Variants in PRH1 observed in about 807,000 individuals in gnomAD.
PRH1 encodes proline rich protein HaeIII subfamily 1.
Under a neutral mutation model 7.9 loss-of-function variants are expected in PRH1, and 7 were observed. The observed-to-expected ratio is 0.89, with a 90% CI of 0.50 to 1.67. PRH1 has a LOEUF of 1.67. Ranked by LOEUF, PRH1 falls within the 40% of genes most tolerant of loss-of-function variation. PRH1 has a pLI of 0.00. For missense variants in PRH1, 109 were observed against 223.6 expected, an observed-to-expected ratio of 0.49 and a Z score of 3.27; for synonymous variants, 45 against 80.8, an observed-to-expected ratio of 0.56 and a Z score of 2.38.
At chr12:11,148,254 C>G (rs982306735) in intron 1 of PRH1, among the ~76,000 whole-genome samples, 2 of 150,950 alleles carry the variant, frequency 1.3e-5, no homozygotes, top group African/African-American at 4.9e-5. Flanking sequence ...TTGACTTCCT[C>G]TTTTCCTAAT....
chr12:11,071,608 A>C (rs1426250414), intron 1 of PRH1, among the ~76,000 whole-genome samples: 1 of 152,190 alleles, frequency 6.6e-6, no homozygotes. Context: ...GACAGAGTTG[A>C]TTACCCTCTA....
At chr12:11,019,156 G>C (rs1941456068) in intron 1 of PRH1, among the ~76,000 whole-genome samples, 1 of 152,284 alleles carries the variant, frequency 6.6e-6, no homozygotes, top group Admixed American at 6.5e-5. Context: ...ATAGAAGACA[G>C]AAGACAGCTA....
At chr12:11,021,631 C>T (rs1941633548) in intron 1 of PRH1, 1 of 1,544,446 alleles carries the variant, frequency 6.5e-7, no homozygotes. Flanking sequence ...CACGATGCTC[C>T]CCTTGTGAAT....
intron 2 of PRH1, among the ~76,000 whole-genome samples, chr12:10,969,846 C>T (rs1006612995): frequency 1.3e-5 from 2 of 152,124 alleles, no homozygotes; most frequent in African/African-American, 4.8e-5. Flanking sequence ...GTTGCTCAGG[C>T]TAGAGTGCCA....
chr12:10,930,168 T>C lies in PRH1; in HGVS notation c.-59+43487A>G, dbSNP rs1950182760. 8 of 1,346,930 alleles carry C rather than the reference T, an allele frequency of 5.9e-6. No homozygotes were observed. In the South Asian group the frequency reaches 8.3e-5, roughly 14 times the overall value. The allele number at this position is 1,346,930 out of a possible 1,614,324, so 83.4% of individuals were successfully genotyped here. ...GTGGCTGATGAGATCTCAAAGGGGA[T>C]GCACAGGGTGTGATCAGAGGTCCTT... On this transcript the variant is annotated intron_variant, in intron 2 of 3. Transcript: ENST00000539853.
intron 1 of PRH1, among the ~76,000 whole-genome samples, chr12:10,978,347 A>T (rs1939202156): frequency 6.6e-6 from 1 of 152,254 alleles, no homozygotes; most frequent in Admixed American, 6.5e-5. Flanking sequence ...TAATGCTGAG[A>T]TAACTGGCTA....
At position 10,961,201 on chromosome 12, in the gene PRH1, A is replaced by C. The variant is rs1344040511; in HGVS notation, c.-59+12454T>G. On this transcript the variant is annotated intron_variant, in intron 2 of 3. Transcript: ENST00000539853. ...GAGAGGGGAGAGAAAACTCCTAGGG[A>C]ATTAGTGCAAGACCATTCCCTCTTC... 1.4e-5 allele frequency among the ~76,000 whole-genome samples: 2 copies of C among 143,688 alleles called. 1 individual carries two copies. The highest frequency in any genetic ancestry group is 6.0e-5 in the African/African-American group (2 of 33,508). The allele number at this position is 143,688 out of a possible 152,430, so 94.3% of individuals were successfully genotyped here. A position where few individuals can be genotyped will look rare whatever the true frequency, so the allele number is the denominator to read the frequency against.
In PRH1 at chr12:10,930,158, T is replaced by A. The variant is rs368380661; in HGVS notation, c.-59+43497A>T. ...GCATCAGAGAGTGGCTGATGAGATC[T>A]CAAAGGGGATGCACAGGGTGTGATC... On this transcript the variant is annotated intron_variant, in intron 2 of 3. Transcript: ENST00000539853. 380 of 1,284,522 alleles carry A rather than the reference T, an allele frequency of 3.0e-4. 1 individual carries two copies. Among genetic ancestry groups the A allele is most frequent in the East Asian group, 1.2e-3 (52 of 43,250 alleles). The allele number at this position is 1,284,522 out of a possible 1,614,324, so 79.6% of individuals were successfully genotyped here.
At chr12:10,930,933 G>T (rs1950200566) in intron 2 of PRH1, 2 of 1,607,102 alleles carry the variant, frequency 1.2e-6, no homozygotes, top group Non-Finnish European at 1.7e-6. Flanking sequence ...CTCGAGGAAG[G>T]CCACAAGGAC....
chr12:10,976,242 A>C (rs979488380), intron 1 of PRH1, among the ~76,000 whole-genome samples: 3 of 152,174 alleles, frequency 2.0e-5, no homozygotes, highest in African/African-American at 7.2e-5. Flanking sequence ...ACAGCCCTAT[A>C]AAAATGTAAG....
chr12:11,009,093 C>A (rs1263073436), intron 1 of PRH1, among the ~76,000 whole-genome samples: 1 of 151,464 alleles, frequency 6.6e-6, no homozygotes, highest in Non-Finnish European at 1.5e-5. Context: ...TTATCATTTT[C>A]ATTAATTTTT....
At chr12:11,132,567 A>T (rs886289277) in intron 1 of PRH1, among the ~76,000 whole-genome samples, 4 of 152,240 alleles carry the variant, frequency 2.6e-5, no homozygotes, top group African/African-American at 4.8e-5. Context: ...ATAGCAATCA[A>T]GATCATGATC....
At chr12:10,988,621 A>C (rs564697357) in intron 1 of PRH1, among the ~76,000 whole-genome samples, 6 of 152,206 alleles carry the variant, frequency 3.9e-5, no homozygotes, top group Non-Finnish European at 7.4e-5. Flanking sequence ...CACACTTAGA[A>C]ATGGGTGAAA....
chr12:11,149,367 C>T (rs1489663765), intron 1 of PRH1, among the ~76,000 whole-genome samples: 1 of 152,136 alleles, frequency 6.6e-6, no homozygotes, highest in African/African-American at 2.4e-5. Flanking sequence ...CCAAGTCAAT[C>T]CTAAGCCAAA....
chr12:11,074,623 G>A (rs1246617055), intron 1 of PRH1, among the ~76,000 whole-genome samples: 1 of 107,228 alleles, frequency 9.3e-6, no homozygotes, highest in Non-Finnish European at 2.2e-5. Context: ...GAAACATAGG[G>A]AAAGGGGCGA....
intron 1 of PRH1, chr12:11,091,809 C>G (rs780440350): frequency 1.3e-6 from 2 of 1,507,288 alleles, no homozygotes; most frequent in Non-Finnish European, 1.8e-6. Flanking sequence ...AGATGACAAG[C>G]CAAAAATAGC....
At chr12:10,953,637 T>C (rs2135918760) in intron 2 of PRH1, among the ~76,000 whole-genome samples, 1 of 152,284 alleles carries the variant, frequency 6.6e-6, no homozygotes, top group East Asian at 1.9e-4. Flanking sequence ...ATATGACTCA[T>C]TGGCATCCAT....
chr12:11,076,666 C>T (rs1425952279), intron 1 of PRH1: 1 of 116,124 alleles, frequency 8.6e-6, no homozygotes, highest in South Asian at 2.3e-4. Flanking sequence ...TTTTTCATTC[C>T]TATTATAGAA....
chr12:11,032,972 A>T (rs1208421344), intron 1 of PRH1, among the ~76,000 whole-genome samples: 1 of 152,212 alleles, frequency 6.6e-6, no homozygotes, highest in African/African-American at 2.4e-5. Context: ...CCAGAAGAAG[A>T]ATGAGAAACT....
Sources: gnomAD v4.1 joint callset for allele counts (sites outside exome capture counted in the v4.1 genomes callset) on GRCh38, gnomAD v4.1.1 for gene constraint, MANE v1.5 for transcripts, NCBI Gene and HGNC (gene_info 2026-07-23, HGNC 2026-07-21) for gene names.